Variants in RANBP17 observed in about 807,000 individuals in gnomAD.
RANBP17 encodes the protein RAN binding protein 17, also known as ran-binding protein 17.
A neutral mutation model predicts 141.2 loss-of-function variants in RANBP17; 158 were observed. The ratio of observed to expected loss-of-function variants is 1.12; its 90% confidence interval spans 0.98 to 1.28. The LOEUF is 1.28. Ranked by LOEUF, RANBP17 falls within the 50% of genes most tolerant of loss-of-function variation. The pLI is 0.00. For synonymous variants in RANBP17, 430 were observed against 450.0 expected (o/e 0.96, Z 0.56); for missense variants, 1,438 against 1,290.7 (o/e 1.11, Z -1.75).
intron 12 of RANBP17, among the ~76,000 whole-genome samples, chr5:170,939,199 A>G (rs1049408697): frequency 1.3e-5 from 2 of 152,180 alleles, no homozygotes; most frequent in Non-Finnish European, 2.9e-5. Flanking sequence ...ACGATATACA[A>G]TAGAGATTTC....
At chr5:170,908,693 A>C (rs1170742675) in intron 5 of RANBP17, among the ~76,000 whole-genome samples, 1 of 151,694 alleles carries the variant, frequency 6.6e-6, no homozygotes, top group Admixed American at 6.6e-5. Flanking sequence ...ATGCTAATTT[A>C]AATCTTACAC....
chr5:171,212,066 G>C, intron 20 of RANBP17, among the ~76,000 whole-genome samples: 1 of 152,262 alleles, frequency 6.6e-6, no homozygotes, highest in East Asian at 1.9e-4. Flanking sequence ...TGCTAGCACC[G>C]GGTTCCACCA....
chr5:171,007,371 G>C (rs536304278), intron 14 of RANBP17, among the ~76,000 whole-genome samples: 2 of 152,260 alleles, frequency 1.3e-5, no homozygotes, highest in African/African-American at 4.8e-5. Flanking sequence ...GGAGAGGGAG[G>C]TAATAGAAGG....
At chr5:171,273,541 C>G (rs1007325758) in intron 25 of RANBP17, among the ~76,000 whole-genome samples, 5 of 152,144 alleles carry the variant, frequency 3.3e-5, no homozygotes, top group African/African-American at 1.2e-4. Context: ...GAAGGTCAGA[C>G]CCAGTGTTGC....
chr5:171,219,335 G>A (rs1319453734), intron 21 of RANBP17, among the ~76,000 whole-genome samples: 10 of 151,816 alleles, frequency 6.6e-5, no homozygotes, highest in African/African-American at 1.9e-4. Flanking sequence ...TTTTTCCTTC[G>A]TTTCAACCTT....
chr5:171,152,945 G>T (rs1758596824), intron 14 of RANBP17, among the ~76,000 whole-genome samples: 1 of 152,178 alleles, frequency 6.6e-6, no homozygotes, highest in African/African-American at 2.4e-5. Context: ...TTGACCTTAG[G>T]TCCTTCTAAC....
intron 11 of RANBP17, among the ~76,000 whole-genome samples, chr5:170,923,241 A>G (rs964196261): frequency 7.2e-5 from 11 of 152,124 alleles, no homozygotes; most frequent in Admixed American, 5.2e-4. Context: ...AGTTATTTCA[A>G]CATCATTTGT....
chr5:171,252,567 C>T, intron 24 of RANBP17: 1 of 1,368,462 alleles, frequency 7.3e-7, no homozygotes, highest in Non-Finnish European at 1.0e-6. Context: ...AAAAACTGCC[C>T]ATGATTCTAG....
intron 25 of RANBP17, among the ~76,000 whole-genome samples, chr5:171,282,943 C>T (rs1221502524): frequency 1.3e-5 from 2 of 152,114 alleles, no homozygotes; most frequent in Non-Finnish European, 2.9e-5. Flanking sequence ...TGCGCCCAAC[C>T]TATGTAATCA....
intron 5 of RANBP17, among the ~76,000 whole-genome samples, chr5:170,909,310 G>A (rs764841149): frequency 6.6e-6 from 1 of 151,824 alleles, no homozygotes; most frequent in African/African-American, 2.4e-5. Flanking sequence ...CATAGACAAA[G>A]TTAGAATTTG....
At chr5:171,089,790 T>C (rs895960165) in intron 14 of RANBP17, among the ~76,000 whole-genome samples, 4 of 152,344 alleles carry the variant, frequency 2.6e-5, no homozygotes, top group South Asian at 2.1e-4. Context: ...ACTTCCCAGG[T>C]GAGGCAATGC....
At chr5:170,974,556 G>T (rs1282927457) in intron 14 of RANBP17, among the ~76,000 whole-genome samples, 1 of 152,118 alleles carries the variant, frequency 6.6e-6, no homozygotes. Context: ...TTCCAGAGAT[G>T]AATGACTCTG....
At chr5:171,022,335 T>C (rs548486174) in intron 14 of RANBP17, among the ~76,000 whole-genome samples, 18 of 152,330 alleles carry the variant, frequency 1.2e-4, no homozygotes, top group Non-Finnish European at 2.5e-4. Flanking sequence ...TGGGGTGTGC[T>C]TCACTGGGGG....
chr5:170,907,547 TCA>T (rs1771164161), intron 5 of RANBP17, among the ~76,000 whole-genome samples: 1 of 151,988 alleles, frequency 6.6e-6, no homozygotes, highest in Admixed American at 6.6e-5. Context: ...TAGAAAGTGC[TCA>T]GTACACCTAA....
intron 12 of RANBP17, among the ~76,000 whole-genome samples, chr5:170,931,436 CT>C (rs1364171524): frequency 1.3e-5 from 2 of 152,126 alleles, no homozygotes; most frequent in African/African-American, 2.4e-5. Context: ...TCAATTTTGT[CT>C]TTTGTTGCCA....
intron 25 of RANBP17, among the ~76,000 whole-genome samples, chr5:171,273,344 C>T (rs1767250086): frequency 6.6e-6 from 1 of 152,196 alleles, no homozygotes; most frequent in South Asian, 2.1e-4. Context: ...CACCTGAGTT[C>T]CTTTGACCCT....
intron 5 of RANBP17, chr5:170,897,306 C>G (rs148376476): frequency 1.6e-6 from 1 of 613,838 alleles, no homozygotes; most frequent in Non-Finnish European, 3.2e-6. Flanking sequence ...ATAATACATT[C>G]CGTGGGAGGA....
intron 25 of RANBP17, among the ~76,000 whole-genome samples, chr5:171,281,849 T>A (rs1310913162): frequency 6.6e-6 from 1 of 152,214 alleles, no homozygotes; most frequent in Non-Finnish European, 1.5e-5. Flanking sequence ...TTAGCCTGTT[T>A]TGGAGACTGC....
At chr5:171,190,993 TTAAACTC>T (rs1761591133) in intron 18 of RANBP17, among the ~76,000 whole-genome samples, 1 of 152,198 alleles carries the variant, frequency 6.6e-6, no homozygotes, top group African/African-American at 2.4e-5. Context: ...CCTCGGGTAT[TTAAACTC>T]TAAGAAACAG....
Sources: gnomAD v4.1 joint callset for allele counts (sites outside exome capture counted in the v4.1 genomes callset) on GRCh38, gnomAD v4.1.1 for gene constraint, MANE v1.5 for transcripts, NCBI Gene and HGNC (gene_info 2026-07-23, HGNC 2026-07-21) for gene names.